Variants in ATAD1 observed in about 807,000 individuals in gnomAD.
ATAD1 encodes the protein outer mitochondrial transmembrane helix translocase.
Under a neutral mutation model 42.7 loss-of-function variants are expected in ATAD1, and 18 were observed. The ratio of observed to expected loss-of-function variants is 0.42; its 90% CI spans 0.29 to 0.63. The LOEUF is 0.63. ATAD1 is among the 20% of genes least tolerant of loss of function. ATAD1 has a pLI of 0.19. For synonymous variants in ATAD1, 132 were observed against 143.1 expected, an observed-to-expected ratio of 0.92 and a Z score of 0.55; for missense variants, 294 against 440.4, an observed-to-expected ratio of 0.67 and a Z score of 2.98.
chr10:87,811,762 A>C (rs1194315828), intron 2 of ATAD1, among the ~76,000 whole-genome samples: 2 of 152,186 alleles, frequency 1.3e-5, no homozygotes, highest in Admixed American at 6.5e-5. Context: ...ATCGATAAGG[A>C]AATATACCTC....
chr10:87,759,017 G>GT (rs1254860538), intron 8 of ATAD1, among the ~76,000 whole-genome samples: 1 of 152,024 alleles, frequency 6.6e-6, no homozygotes, highest in Non-Finnish European at 1.5e-5. Context: ...TATTTTCATT[G>GT]TGGCTTGTTT....
At chr10:87,817,966 G>T (rs1314108683) in intron 1 of ATAD1, 1 of 985,488 alleles carries the variant, frequency 1.0e-6, no homozygotes, top group Non-Finnish European at 1.2e-6. Context: ...GGACGCCAAG[G>T]CGAGGCCCGG....
At chr10:87,774,068 C>T (rs1309826541) in intron 6 of ATAD1, among the ~76,000 whole-genome samples, 4 of 152,158 alleles carry the variant, frequency 2.6e-5, no homozygotes, top group Non-Finnish European at 4.4e-5. Flanking sequence ...ACTACACTTT[C>T]ACAAACATAA....
At chr10:87,818,321 C>T (rs1857532142), upstream of ATAD1, 1 of 939,370 alleles carries the variant, frequency 1.1e-6, no homozygotes, top group Non-Finnish European at 1.3e-6. Context: ...GGGGCGTGCT[C>T]CCAGGCTTAG....
At chr10:87,830,845 C>A (rs1381409888) in intron 1 of ATAD1, among the ~76,000 whole-genome samples, 1 of 152,094 alleles carries the variant, frequency 6.6e-6, no homozygotes, top group East Asian at 1.9e-4. Flanking sequence ...AGAAAGACAC[C>A]TGTTCCAGTG....
At chr10:87,767,758 T>C (rs765413828) in intron 7 of ATAD1, 35 bp from the exon 8 acceptor site, 2 of 1,557,320 alleles carry the variant, frequency 1.3e-6, no homozygotes, top group South Asian at 2.4e-5. Flanking sequence ...AGCATTTTTA[T>C]TTTTTATTTT....
chr10:87,762,238 G>A (rs919538759), intron 8 of ATAD1, among the ~76,000 whole-genome samples: 2 of 152,044 alleles, frequency 1.3e-5, no homozygotes, highest in Admixed American at 6.6e-5. Context: ...CATGCAAAAC[G>A]ATCCTTCATT....
At chr10:87,808,353 T>C (rs1358800151) in intron 2 of ATAD1, among the ~76,000 whole-genome samples, 1 of 141,212 alleles carries the variant, frequency 7.1e-6, no homozygotes, top group African/African-American at 2.6e-5. Context: ...AAAAAAGTAA[T>C]GAAAAGTAAT....
intron 1 of ATAD1, among the ~76,000 whole-genome samples, chr10:87,829,157 A>G (rs539286063): frequency 2.6e-5 from 4 of 152,316 alleles, no homozygotes; most frequent in East Asian, 3.9e-4. Flanking sequence ...TATAGCTACC[A>G]TAGATAGTGA....
chr10:87,763,495 C>T (rs1270670792), intron 8 of ATAD1, among the ~76,000 whole-genome samples: 2 of 152,138 alleles, frequency 1.3e-5, no homozygotes, highest in Admixed American at 6.5e-5. Context: ...CCTTTCTCTA[C>T]AAGAAGATTT....
Position 87,790,433 on chromosome 10 carries a change from G to A in ATAD1, c.262-3C>T. On this transcript the variant is annotated splice_region_variant and splice_polypyrimidine_tract_variant and intron_variant, in intron 3 of 9. Transcript: ENST00000680024. ...CCTGCTATATCACTCCAAGTAACCTGGCAAAAGTTAAGGTCAACATGAATT... is the reference window on the plus strand; with the variant it reads ...CCTGCTATATCACTCCAAGTAACCTAGCAAAAGTTAAGGTCAACATGAATT... The A allele has an allele frequency of 6.3e-7, 1 of 1,594,700 alleles. No homozygotes were observed. The highest frequency in any genetic ancestry group is 2.3e-5 in the East Asian group (1 of 44,076).
chr10:87,782,984 GAA>G (rs763169377), intron 5 of ATAD1, among the ~76,000 whole-genome samples: 7 of 136,708 alleles, frequency 5.1e-5, no homozygotes, highest in Admixed American at 7.3e-5. Flanking sequence ...GACAGAGCGT[GAA>G]AAAAAAAAAA....
intron 1 of ATAD1, among the ~76,000 whole-genome samples, chr10:87,825,787 A>C (rs545117627): frequency 1.3e-5 from 2 of 150,990 alleles, no homozygotes; most frequent in African/African-American, 4.9e-5. Flanking sequence ...CTGCAGCCTC[A>C]AACTCCTCGG....
chr10:87,805,505 C>A (rs1856881525), intron 2 of ATAD1, among the ~76,000 whole-genome samples: 1 of 151,990 alleles, frequency 6.6e-6, no homozygotes, highest in Non-Finnish European at 1.5e-5. Context: ...TCAAACATGC[C>A]CTAATATTTC....
chr10:87,814,326 T>C (rs1259806395), intron 2 of ATAD1, 112 bp downstream of exon 2: 3 of 948,166 alleles, frequency 3.2e-6, no homozygotes, highest in Admixed American at 6.1e-5. Context: ...TACATTTTCA[T>C]GTGGGTCTTA....
Position 87,754,900 on chromosome 10 carries a change from T to TA in ATAD1, c.966-94dup, listed in dbSNP as rs200960945. The TA allele has an allele frequency of 1.2e-3, 1,714 of 1,388,222 alleles. 1 individual carries two copies. Among genetic ancestry groups the TA allele is most frequent in the South Asian group, 1.7e-3 (109 of 64,608 alleles). The allele number at this position is 1,388,222 out of a possible 1,614,324, so 86.0% of individuals were successfully genotyped here. Reference sequence around the variant, plus strand: ...CAAGATTTAAAAGAGATGCATGTGGTAAAAAAAAAATTTTGTTTTCAACTG... The same window carrying TA: ...CAAGATTTAAAAGAGATGCATGTGGTAAAAAAAAAAATTTTGTTTTCAACTG... On this transcript the variant is annotated intron_variant, in intron 9 of 9. Transcript: ENST00000680024.
intron 3 of ATAD1, among the ~76,000 whole-genome samples, chr10:87,790,962 T>A (rs1191148768): frequency 4.9e-5 from 7 of 142,040 alleles, no homozygotes; most frequent in African/African-American, 1.9e-4. Context: ...GGTGAGCGGA[T>A]CACTTGAGGT....
At chr10:87,840,801 A>G (rs758308012) in intron 1 of ATAD1, among the ~76,000 whole-genome samples, 22 of 152,248 alleles carry the variant, frequency 1.4e-4, no homozygotes, top group Non-Finnish European at 2.4e-4. Context: ...AAGAACATAC[A>G]TAATGTCCCA....
intron 6 of ATAD1, among the ~76,000 whole-genome samples, chr10:87,772,029 G>A (rs1855056811): frequency 6.6e-6 from 1 of 152,038 alleles, no homozygotes; most frequent in South Asian, 2.1e-4. Flanking sequence ...ACATTCAGGA[G>A]CCTCAGAGCC....
Sources: gnomAD v4.1 joint callset for allele counts (sites outside exome capture counted in the v4.1 genomes callset) on GRCh38, gnomAD v4.1.1 for gene constraint, MANE v1.5 for transcripts, NCBI Gene and HGNC (gene_info 2026-07-23, HGNC 2026-07-21) for gene names.